The following UBE3D variants were observed in gnomAD, a reference collection of about 807,000 sequenced individuals.
The protein encoded by UBE3D is E3 ubiquitin-protein ligase E3D.
A neutral mutation model predicts 49.6 loss-of-function variants in UBE3D; 48 were observed. That is an observed-to-expected ratio of 0.97 (90% CI 0.77 to 1.23). UBE3D has a LOEUF of 1.23. UBE3D is among the 50% of genes most tolerant of loss of function. The pLI, the probability that UBE3D is intolerant of heterozygous loss-of-function variation, is 0.00. For missense variants in UBE3D, 452 were observed against 468.4 expected (o/e 0.96, Z 0.32); for synonymous variants, 189 against 174.2 (o/e 1.08, Z -0.67).
downstream of UBE3D, among the ~76,000 whole-genome samples, chr6:82,887,640 T>C (rs1383481257): frequency 6.7e-6 from 1 of 150,372 alleles, no homozygotes; most frequent in Non-Finnish European, 1.5e-5. Flanking sequence ...ACCCAGGAGA[T>C]GGAGGTTGCG....
chr6:82,998,209 T>C (rs1779379933), intron 8 of UBE3D, among the ~76,000 whole-genome samples: 1 of 152,242 alleles, frequency 6.6e-6, no homozygotes, highest in African/African-American at 2.4e-5. Context: ...CCGTTTATTT[T>C]GCTTTGCAAT....
chr6:82,945,267 TAGAC>T (rs1022823156), intron 9 of UBE3D, among the ~76,000 whole-genome samples: 85 of 152,022 alleles, frequency 5.6e-4, no homozygotes, highest in African/African-American at 1.9e-3. Flanking sequence ...CAGAGACAGA[TAGAC>T]AGACAGAAAG....
At chr6:82,971,567 C>G (rs1777353346) in intron 8 of UBE3D, among the ~76,000 whole-genome samples, 2 of 151,970 alleles carry the variant, frequency 1.3e-5, no homozygotes, top group Admixed American at 1.3e-4. Flanking sequence ...GCATAAGGTA[C>G]AAAGCAAGGA....
intron 5 of UBE3D, among the ~76,000 whole-genome samples, chr6:83,025,743 C>CGTGGAGGT: frequency 6.6e-6 from 1 of 151,760 alleles, no homozygotes; most frequent in African/African-American, 2.4e-5. Context: ...ATTAGCTGGG[C>CGTGGAGGT]GCAGTGACTC....
intron 8 of UBE3D, among the ~76,000 whole-genome samples, chr6:83,004,780 A>T (rs1779859538): frequency 2.0e-5 from 3 of 152,122 alleles, no homozygotes; most frequent in African/African-American, 7.2e-5. Context: ...AGTATAATTA[A>T]CCTTTGTTTC....
intron 5 of UBE3D, among the ~76,000 whole-genome samples, chr6:83,034,835 T>C (rs1782129073): frequency 6.6e-6 from 1 of 151,874 alleles, no homozygotes; most frequent in Non-Finnish European, 1.5e-5. Context: ...AATGGACTAA[T>C]ACACATCAAA....
intron 8 of UBE3D, among the ~76,000 whole-genome samples, chr6:83,013,850 T>C (rs1255690991): frequency 6.6e-6 from 1 of 152,206 alleles, no homozygotes; most frequent in Non-Finnish European, 1.5e-5. Context: ...TCAATCAGCA[T>C]AATGTCCTCA....
At chr6:82,915,247 T>G (rs1205969099) in intron 9 of UBE3D, among the ~76,000 whole-genome samples, 1 of 152,172 alleles carries the variant, frequency 6.6e-6, no homozygotes, top group Non-Finnish European at 1.5e-5. Context: ...CTAAATAATG[T>G]TGTGTTGCAT....
intron 9 of UBE3D, among the ~76,000 whole-genome samples, chr6:82,906,137 A>AT (rs572037603): frequency 6.0e-4 from 90 of 150,404 alleles, no homozygotes; most frequent in African/African-American, 1.5e-3. Flanking sequence ...TAGCTCATAC[A>AT]TTTTTTTTTT....
At chr6:82,980,834 T>C (rs1582536976) in intron 8 of UBE3D, among the ~76,000 whole-genome samples, 1 of 152,110 alleles carries the variant, frequency 6.6e-6, no homozygotes, top group African/African-American at 2.4e-5. Flanking sequence ...TCAGTGTATA[T>C]TTTTGTCATC....
chr6:82,920,136 G>A (rs1195772203), intron 9 of UBE3D, among the ~76,000 whole-genome samples: 3 of 152,176 alleles, frequency 2.0e-5, no homozygotes, highest in Admixed American at 1.3e-4. Context: ...ATACCACACA[G>A]TTGACTGAAG....
rs867933798 is a variant in UBE3D, at chr6:82,909,036, T to C, written c.1150-15994A>G. Among the ~76,000 whole-genome samples, 6 of 152,274 alleles carry C rather than the reference T, an allele frequency of 3.9e-5. No individual in the cohort carries two copies. In the South Asian group the frequency reaches 1.2e-3, roughly 32 times the overall value. On this transcript the variant is annotated intron_variant, in intron 9 of 9. Coordinates refer to ENST00000369747, the MANE Select transcript of UBE3D (RefSeq NM_198920.3). Reference sequence around the variant, plus strand: ...TGTGCTCAATTAATGCAGTCTGAAGTAGTCACAGGGAGTGTGGCAAGTGTG... The same window carrying C: ...TGTGCTCAATTAATGCAGTCTGAAGCAGTCACAGGGAGTGTGGCAAGTGTG...
intron 8 of UBE3D, 53 bp downstream of exon 8, chr6:83,018,920 G>C (rs1050302851): frequency 2.5e-6 from 4 of 1,595,190 alleles, no homozygotes; most frequent in Non-Finnish European, 3.4e-6. Context: ...ACACCAACAT[G>C]ACAACAAAAG....
rs139893085 is a variant in UBE3D at position 83,060,232 on chromosome 6, G to A, written c.78-2210C>T. 3.3e-5 allele frequency among the ~76,000 whole-genome samples: 5 copies of A among 152,250 alleles called. No homozygotes were observed. The East Asian group carries it at 7.7e-4, about 24-fold the overall frequency. Reference sequence around the variant, plus strand: ...GAGGAGAGTGTCAACAATGAGCAGGGGGAGGTGGCAAAGGATGCCAGCAGA... The same window carrying A: ...GAGGAGAGTGTCAACAATGAGCAGGAGGAGGTGGCAAAGGATGCCAGCAGA... On this transcript the variant is annotated intron_variant, in intron 1 of 9. Transcript: ENST00000369747.
At chr6:82,930,874 G>A (rs293512) in intron 9 of UBE3D, among the ~76,000 whole-genome samples, 102,364 of 152,120 alleles carry the variant, frequency 0.67, 34,942 homozygotes, top group East Asian at 0.79. Flanking sequence ...AGAAATTTGC[G>A]TGAGAAACAA....
intron 3 of UBE3D, among the ~76,000 whole-genome samples, chr6:83,048,802 C>A (rs1345275510): frequency 3.3e-5 from 5 of 152,110 alleles, no homozygotes; most frequent in African/African-American, 1.2e-4. Flanking sequence ...CATTGCTTTA[C>A]TGAAAGCATA....
intron 8 of UBE3D, among the ~76,000 whole-genome samples, chr6:83,015,396 C>T (rs1387918795): frequency 2.6e-5 from 4 of 152,000 alleles, no homozygotes; most frequent in African/African-American, 9.7e-5. Context: ...ATTTTTAATC[C>T]ATATTTCAGC....
intron 8 of UBE3D, among the ~76,000 whole-genome samples, chr6:82,962,395 TC>T (rs1425326099): frequency 6.6e-6 from 1 of 152,170 alleles, no homozygotes; most frequent in African/African-American, 2.4e-5. Flanking sequence ...CAGTGAGTGA[TC>T]ATGGACAAGC....
At chr6:82,999,773 C>T (rs886087114) in intron 8 of UBE3D, among the ~76,000 whole-genome samples, 3 of 152,110 alleles carry the variant, frequency 2.0e-5, no homozygotes, top group South Asian at 2.1e-4. Context: ...TCTGTTCTGC[C>T]GTTCACAGCC....
Sources: allele counts gnomAD v4.1 joint callset (sites outside exome capture counted in the v4.1 genomes callset), GRCh38; gene constraint gnomAD v4.1.1; transcripts MANE v1.5; gene names NCBI Gene and HGNC (gene_info 2026-07-23, HGNC 2026-07-21).